Variants in SOX5 observed in about 807,000 individuals in gnomAD.
SOX5 encodes the protein SRY-box transcription factor 5, also known as transcription factor SOX-5.
In SOX5, 9 loss-of-function variants were observed where a neutral mutation model predicts 92.0. The observed-to-expected ratio is 0.10, with a 90% CI of 0.06 to 0.17. The LOEUF (loss-of-function observed/expected upper bound fraction) is 0.17. Among genes scored for constraint, SOX5 ranks in the 10% least tolerant of loss-of-function variants. The pLI is 1.00. For missense variants in SOX5, 642 were observed against 944.5 expected (o/e 0.68, Z 4.20); for synonymous variants, 344 against 336.3 (o/e 1.02, Z -0.25).
At chr12:24,191,495 C>A (rs1956523225) in intron 4 of SOX5, among the ~76,000 whole-genome samples, 1 of 152,192 alleles carries the variant, frequency 6.6e-6, no homozygotes, top group Admixed American at 6.5e-5. Context: ...AGTCCCTGTG[C>A]TCCAGCCTTG....
Position 23,563,239 on chromosome 12 carries a change from A to C in SOX5, c.1488+19T>G, listed in dbSNP as rs559449801. 3 of 1,578,716 alleles carry C rather than the reference A, an allele frequency of 1.9e-6. No individual in the cohort carries two copies. The African/African-American group carries it at 4.1e-5, about 22-fold the overall frequency. ...TTTAATTAAGTATTTCTAGAAAGTA[A>C]GTTATTTTATGAACTGACCTTTTCT... On this transcript the variant is annotated intron_variant, in intron 11 of 14. Transcript: ENST00000451604.
chr12:24,060,555 C>T (rs139681477), intron 4 of SOX5, among the ~76,000 whole-genome samples: 11 of 152,266 alleles, frequency 7.2e-5, no homozygotes, highest in African/African-American at 2.6e-4. Flanking sequence ...TTTGTCCTGA[C>T]TGGCATGTCT....
chr12:24,040,794 A>C (rs1022654189), intron 4 of SOX5, among the ~76,000 whole-genome samples: 5 of 152,092 alleles, frequency 3.3e-5, no homozygotes, highest in Non-Finnish European at 7.4e-5. Context: ...AATGGCGTAC[A>C]CCTGGGAGGC....
At chr12:23,743,334 G>C (rs557849172) in intron 4 of SOX5, among the ~76,000 whole-genome samples, 23 of 151,914 alleles carry the variant, frequency 1.5e-4, no homozygotes, top group African/African-American at 5.5e-4. Context: ...TTTTGAGATA[G>C]AGTCTTGTTC....
chr12:24,332,811 G>C (rs1003701060), intron 2 of SOX5, among the ~76,000 whole-genome samples: 2 of 151,890 alleles, frequency 1.3e-5, no homozygotes, highest in African/African-American at 4.8e-5. Flanking sequence ...ATTACATATT[G>C]GTTTCAACTT....
chr12:24,154,615 T>A (rs1351744946), intron 4 of SOX5, among the ~76,000 whole-genome samples: 1 of 152,172 alleles, frequency 6.6e-6, no homozygotes, highest in Non-Finnish European at 1.5e-5. Context: ...TAAAAAAATT[T>A]ATGAAGAGTT....
At position 23,612,748 on chromosome 12, in the gene SOX5, C is replaced by T. The variant is rs184969995; in HGVS notation, c.1018-8215G>A. Among the ~76,000 whole-genome samples, 123 of 152,064 alleles carry T rather than the reference C, an allele frequency of 8.1e-4. 1 individual carries two copies. Among genetic ancestry groups the T allele is most frequent in the Middle Eastern group, 3.4e-3 (1 of 294 alleles). ...AAAGATATGTACTATATATATTTGA[C>T]GGAAAAGTATTTGTTTATTTCTTCT... On this transcript the variant is annotated intron_variant, in intron 8 of 14. Transcript: ENST00000451604.
At chr12:23,632,307 G>T (rs1218008310) in intron 8 of SOX5, 1 of 152,074 alleles carries the variant, frequency 6.6e-6, no homozygotes, top group Non-Finnish European at 1.5e-5. Context: ...CCAGGGTTGC[G>T]ACTGAAATGA....
chr12:24,150,357 T>A (rs1448124305), intron 4 of SOX5, among the ~76,000 whole-genome samples: 1 of 152,156 alleles, frequency 6.6e-6, no homozygotes, highest in African/African-American at 2.4e-5. Context: ...TACAGAAGAA[T>A]AGATTTTGGT....
intron 1 of SOX5, among the ~76,000 whole-genome samples, chr12:24,452,073 C>G (rs1296749970): frequency 6.6e-6 from 1 of 152,126 alleles, no homozygotes; most frequent in Non-Finnish European, 1.5e-5. Context: ...GGCTTCAGAC[C>G]TCACACCATC....
At chr12:23,912,792 T>A (rs1164758118) in intron 1 of SOX5, among the ~76,000 whole-genome samples, 1 of 151,924 alleles carries the variant, frequency 6.6e-6, no homozygotes, top group Non-Finnish European at 1.5e-5. Flanking sequence ...ATAGAAAAAA[T>A]TGTATAGAAA....
chr12:23,616,155 G>A (rs886733359), intron 8 of SOX5, among the ~76,000 whole-genome samples: 3 of 152,160 alleles, frequency 2.0e-5, no homozygotes, highest in African/African-American at 7.2e-5. Flanking sequence ...GAACATTGAC[G>A]ACTTTCATTA....
At chr12:24,014,510 G>A (rs546081835) in intron 4 of SOX5, among the ~76,000 whole-genome samples, 22 of 152,248 alleles carry the variant, frequency 1.4e-4, no homozygotes, top group African/African-American at 3.9e-4. Flanking sequence ...ATGTCTGAAC[G>A]AAATGGCCAC....
chr12:24,419,675 C>T (rs1389156406), intron 1 of SOX5, among the ~76,000 whole-genome samples: 1 of 152,192 alleles, frequency 6.6e-6, no homozygotes, highest in South Asian at 2.1e-4. Flanking sequence ...TGTGCTAGTG[C>T]TTACTCCCTT....
At chr12:23,980,961 C>T (rs1330483816) in intron 4 of SOX5, among the ~76,000 whole-genome samples, 2 of 152,116 alleles carry the variant, frequency 1.3e-5, no homozygotes, top group African/African-American at 4.8e-5. Context: ...TGATATGGCT[C>T]CTCACATCTT....
intron 3 of SOX5, among the ~76,000 whole-genome samples, chr12:23,761,858 G>A (rs1334334326): frequency 1.3e-5 from 2 of 152,062 alleles, no homozygotes; most frequent in African/African-American, 4.8e-5. Flanking sequence ...ACTCTTGGAA[G>A]CTTTCATCTG....
At chr12:23,822,089 G>T (rs1444859586) in intron 3 of SOX5, among the ~76,000 whole-genome samples, 1 of 151,918 alleles carries the variant, frequency 6.6e-6, no homozygotes, top group Non-Finnish European at 1.5e-5. Context: ...TAGATTCATT[G>T]ATTTTTTGAA....
chr12:23,745,412 C>T (rs906058021), intron 4 of SOX5, among the ~76,000 whole-genome samples: 1 of 152,150 alleles, frequency 6.6e-6, no homozygotes, highest in East Asian at 1.9e-4. Flanking sequence ...CATATCATGT[C>T]AGAGTCTAGT....
chr12:24,399,184 C>CA lies in SOX5; in HGVS notation c.-250-30546dup, dbSNP rs201536229. Among the ~76,000 whole-genome samples, 435 of 146,966 alleles carry CA rather than the reference C, an allele frequency of 3.0e-3. 4 individuals carry two copies. Among genetic ancestry groups the CA allele is most frequent in the South Asian group, 0.015 (71 of 4,604 alleles). ...AAAATAGCTTTCTTTTCAAATTTTA[C>CA]AAAAAAAAAACCAAACAAACAGAAA... On this transcript the variant is annotated intron_variant, in intron 1 of 4. Transcript: ENST00000446891.
Sources: allele counts gnomAD v4.1 joint callset (sites outside exome capture counted in the v4.1 genomes callset), GRCh38; gene constraint gnomAD v4.1.1; transcripts MANE v1.5; gene names NCBI Gene and HGNC (gene_info 2026-07-23, HGNC 2026-07-21).